The following SERPINE2 variants were observed in gnomAD, a reference collection of about 807,000 sequenced individuals.
SERPINE2 encodes glia-derived nexin.
In SERPINE2, 14 loss-of-function variants were observed where a neutral mutation model predicts 36.3. The ratio of observed to expected loss-of-function variants is 0.39; its 90% CI spans 0.25 to 0.60. SERPINE2 has a LOEUF of 0.60. Among genes scored for constraint, SERPINE2 ranks in the 20% least tolerant of loss-of-function variants. The pLI is 0.57. For missense variants in SERPINE2, 418 were observed against 499.6 expected (o/e 0.84, Z 1.56); for synonymous variants, 192 against 191.8 (o/e 1.00, Z -0.01).
intron 1 of SERPINE2, among the ~76,000 whole-genome samples, chr2:224,005,074 T>TA (rs1455162003): frequency 4.5e-5 from 3 of 66,448 alleles, no homozygotes; most frequent in Non-Finnish European, 1.2e-4. Context: ...ATTATATATA[T>TA]ATATATATAT....
chr2:224,038,805 G>T (rs997702747), intron 1 of SERPINE2: 243 of 421,776 alleles, frequency 5.8e-4, no homozygotes, highest in Non-Finnish European at 9.0e-4. Context: ...GGGTATCACT[G>T]GACGCCACCC....
At chr2:224,018,349 T>C (rs1003093381) in intron 1 of SERPINE2, among the ~76,000 whole-genome samples, 4 of 152,190 alleles carry the variant, frequency 2.6e-5, no homozygotes, top group Admixed American at 2.6e-4. Context: ...AGACCAGCCC[T>C]GCCTCAGTGG....
intron 5 of SERPINE2, among the ~76,000 whole-genome samples, chr2:223,983,918 CTTAT>C (rs1176273582): frequency 6.7e-6 from 1 of 149,488 alleles, no homozygotes; most frequent in Non-Finnish European, 1.5e-5. Context: ...ATGCCACCAT[CTTAT>C]TTATTTATTT....
intron 1 of SERPINE2, chr2:224,030,051 C>T (rs973777648): frequency 1.0e-6 from 1 of 985,268 alleles, no homozygotes; most frequent in Non-Finnish European, 1.2e-6. Flanking sequence ...TGGAAAAAAG[C>T]AGCCAGCATG....
intron 1 of SERPINE2, among the ~76,000 whole-genome samples, chr2:224,020,890 A>G (rs1691976398): frequency 6.6e-6 from 1 of 152,224 alleles, no homozygotes; most frequent in African/African-American, 2.4e-5. Context: ...GCTTGCCTGA[A>G]GCCCCACTCC....
chr2:223,998,457 C>G (rs1574826563), intron 2 of SERPINE2, 115 bp from the exon 3 acceptor site: 1 of 709,618 alleles, frequency 1.4e-6, no homozygotes, highest in Admixed American at 2.7e-5. Context: ...GTGGCTCACA[C>G]CTGTAATCCC....
At position 223,983,751 on chromosome 2, in the gene SERPINE2, TGTGTGTGTG is replaced by T. The variant is rs751746429; in HGVS notation, c.885-979_885-971del. ...ATGTGTGTATATGTGTGTGTGTGTG[TGTGTGTGTG>T]TGTGTAAATGTCAGTTACTGTCATC... is the stretch of plus-strand genomic sequence containing the variant. On this transcript the variant is annotated intron_variant, in intron 5 of 8. Coordinates refer to ENST00000409304, the MANE Select transcript of SERPINE2 (RefSeq NM_001136528.2). Among the ~76,000 whole-genome samples the T allele has an allele frequency of 4.6e-3, 599 of 131,082 alleles. 4 individuals are homozygous for T. Among genetic ancestry groups the T allele is most frequent in the Non-Finnish European group, 5.5e-3 (307 of 55,762 alleles). The allele number at this position is 131,082 out of a possible 152,430, so 86.0% of individuals were successfully genotyped here. A position where few individuals can be genotyped will look rare whatever the true frequency, so the allele number is the denominator to read the frequency against.
intron 7 of SERPINE2, chr2:223,977,854 A>G: frequency 1.2e-5 from 6 of 485,050 alleles, no homozygotes; most frequent in Non-Finnish European, 1.9e-5. Flanking sequence ...CTACACAAGC[A>G]CCATCTCTGA....
chr2:224,032,697 ATAATGTCTTACG>A (rs968913464), intron 1 of SERPINE2, among the ~76,000 whole-genome samples: 2 of 148,544 alleles, frequency 1.3e-5, no homozygotes, highest in African/African-American at 5.0e-5. Flanking sequence ...GAAGCAAAGG[ATAATGTCTTACG>A]TCAAACTGTG....
chr2:223,982,589 A>AT, intron 6 of SERPINE2, 92 bp downstream of exon 6: 3 of 722,928 alleles, frequency 4.1e-6, no homozygotes, highest in Non-Finnish European at 6.7e-6. Context: ...AGGGCAACAC[A>AT]TTCCTAATTC....
chr2:223,991,290 A>T (rs988841488), intron 4 of SERPINE2, among the ~76,000 whole-genome samples: 7 of 152,166 alleles, frequency 4.6e-5, no homozygotes, highest in African/African-American at 1.7e-4. Flanking sequence ...GGACTGCTGG[A>T]GCCAGGACCC....
At chr2:224,029,985 G>T in intron 1 of SERPINE2, 1 of 896,228 alleles carries the variant, frequency 1.1e-6, no homozygotes, top group Non-Finnish European at 1.3e-6. Flanking sequence ...GCGTGAGCCA[G>T]CATAGACATG....
intron 8 of SERPINE2, 96 bp from the exon 9 acceptor site, chr2:223,976,000 T>C (rs1469459296): frequency 3.5e-6 from 4 of 1,154,250 alleles, no homozygotes; most frequent in Admixed American, 4.1e-5. Context: ...GAAACAATCA[T>C]GTTTGACCTC....
intron 6 of SERPINE2, chr2:223,980,904 A>G (rs1690205755): frequency 1.3e-5 from 2 of 154,188 alleles, no homozygotes; most frequent in Admixed American, 6.4e-5. Context: ...CACTCATCTC[A>G]TGGGCATGCT....
chr2:223,976,052 A>G (rs1351273485), intron 8 of SERPINE2, 148 bp from the exon 9 acceptor site: 23 of 590,846 alleles, frequency 3.9e-5, no homozygotes, highest in Non-Finnish European at 6.2e-5. Flanking sequence ...AGTGGTAGAG[A>G]TGGTCTATAT....
chr2:224,002,122 G>C (rs926337870), intron 1 of SERPINE2, among the ~76,000 whole-genome samples, 200 bp from the exon 2 acceptor site: 2 of 151,838 alleles, frequency 1.3e-5, no homozygotes, highest in Non-Finnish European at 2.9e-5. Flanking sequence ...AATTACAGGC[G>C]TGTACCACCA....
At chr2:224,009,211 T>C (rs533360907) in intron 1 of SERPINE2, among the ~76,000 whole-genome samples, 1 of 152,282 alleles carries the variant, frequency 6.6e-6, no homozygotes, top group South Asian at 2.1e-4. Flanking sequence ...CAGTGAAAGC[T>C]GACACCTTCT....
intron 5 of SERPINE2, 113 bp downstream of exon 5, chr2:223,984,639 C>T (rs1385691781): frequency 1.0e-6 from 1 of 977,712 alleles, no homozygotes; most frequent in East Asian, 2.6e-5. Context: ...TTCTGCAGAA[C>T]AGAACAGGCT....
At chr2:224,025,583 C>T (rs16865500) in intron 1 of SERPINE2, among the ~76,000 whole-genome samples, 3,266 of 152,310 alleles carry the variant, frequency 0.021, 125 homozygotes, top group African/African-American at 0.074. Context: ...TAGTACTTTT[C>T]ATTCCATGTC....
Sources: allele counts gnomAD v4.1 joint callset (sites outside exome capture counted in the v4.1 genomes callset), GRCh38; gene constraint gnomAD v4.1.1; transcripts MANE v1.5; gene names NCBI Gene and HGNC (gene_info 2026-07-23, HGNC 2026-07-21).